The following SLC35F1 variants were observed in gnomAD, a reference collection of about 807,000 sequenced individuals.
SLC35F1 encodes chromosome 6 open reading frame 169.
In SLC35F1, 14 loss-of-function variants were observed where a neutral mutation model predicts 48.7. The observed-to-expected ratio is 0.29, with a 90% CI of 0.19 to 0.45. The LOEUF is 0.45. Ranked by LOEUF, SLC35F1 falls within the 20% of genes least tolerant of loss-of-function variation. The probability of loss-of-function intolerance (pLI) is 1.00; values close to 1 mark genes in which losing one functional copy is unlikely to be tolerated. For synonymous variants in SLC35F1, 190 were observed against 202.2 expected (o/e 0.94, Z 0.51); for missense variants, 404 against 500.0 (o/e 0.81, Z 1.83).
intron 4 of SLC35F1, 99 bp downstream of exon 4, chr6:118,267,253 A>G: frequency 3.0e-6 from 4 of 1,329,778 alleles, no homozygotes; most frequent in South Asian, 3.0e-5. Context: ...GACCTTAGGA[A>G]CCTGGATTTC....
intron 1 of SLC35F1, among the ~76,000 whole-genome samples, chr6:118,015,079 T>G (rs190458956): frequency 6.6e-6 from 1 of 152,344 alleles, no homozygotes; most frequent in East Asian, 1.9e-4. Flanking sequence ...AAACCCCTTT[T>G]GCTTGGCTCT....
intron 1 of SLC35F1, 86 bp downstream of exon 1, chr6:117,907,985 C>T: frequency 8.2e-7 from 1 of 1,213,290 alleles, no homozygotes; most frequent in Non-Finnish European, 1.0e-6. Flanking sequence ...GGGCGGCCCA[C>T]GGGTCCTTTG....
At chr6:118,133,387 GA>G (rs900043152) in intron 1 of SLC35F1, among the ~76,000 whole-genome samples, 2 of 151,816 alleles carry the variant, frequency 1.3e-5, no homozygotes, top group African/African-American at 2.4e-5. Context: ...TTAGGTTCTG[GA>G]AAAAAAAGTC....
intron 3 of SLC35F1, among the ~76,000 whole-genome samples, chr6:118,257,521 G>T (rs920461754): frequency 3.9e-5 from 6 of 152,132 alleles, no homozygotes; most frequent in African/African-American, 1.4e-4. Context: ...GATCTCCATT[G>T]GTTCTTGGGG....
chr6:117,969,111 C>T (rs898583227), intron 1 of SLC35F1, among the ~76,000 whole-genome samples: 1 of 152,106 alleles, frequency 6.6e-6, no homozygotes, highest in Non-Finnish European at 1.5e-5. Context: ...GGATGTATTT[C>T]AGCTCACAGA....
chr6:118,000,475 A>G (rs938920446), intron 1 of SLC35F1, among the ~76,000 whole-genome samples: 1 of 152,190 alleles, frequency 6.6e-6, no homozygotes, highest in Non-Finnish European at 1.5e-5. Context: ...ATCTATGACA[A>G]ACCCACGGCC....
At chr6:118,034,933 G>T (rs1414729298) in intron 1 of SLC35F1, among the ~76,000 whole-genome samples, 1 of 152,032 alleles carries the variant, frequency 6.6e-6, no homozygotes, top group African/African-American at 2.4e-5. Context: ...TCTTACTCTT[G>T]TTTTCTGTAA....
chr6:118,039,799 G>GTTGT (rs1772185260), intron 1 of SLC35F1, among the ~76,000 whole-genome samples: 1 of 106,856 alleles, frequency 9.4e-6, no homozygotes, highest in Non-Finnish European at 2.0e-5. Flanking sequence ...TCTCAGGATT[G>GTTGT]TTTTTTTTGT....
chr6:117,932,378 A>G (rs1342483389), intron 1 of SLC35F1, among the ~76,000 whole-genome samples: 1 of 152,214 alleles, frequency 6.6e-6, no homozygotes, highest in East Asian at 1.9e-4. Context: ...AAGGCACATG[A>G]AGTTTAAGGT....
chr6:118,051,198 T>C (rs1772385243), intron 1 of SLC35F1, among the ~76,000 whole-genome samples: 1 of 152,200 alleles, frequency 6.6e-6, no homozygotes, highest in Non-Finnish European at 1.5e-5. Context: ...TTACCATTTA[T>C]CAAGCATTGC....
intron 1 of SLC35F1, among the ~76,000 whole-genome samples, chr6:118,068,367 G>A (rs1057279488): frequency 2.0e-5 from 3 of 152,206 alleles, no homozygotes; most frequent in African/African-American, 7.2e-5. Context: ...GTGAAAGTTA[G>A]ACATGTGTAA....
At position 117,947,124 on chromosome 6, in the gene SLC35F1, G is replaced by A. The variant is rs111325360; in HGVS notation, c.173+39225G>A. Among the ~76,000 whole-genome samples the A allele has an allele frequency of 6.3e-3, 958 of 152,270 alleles. 9 individuals are homozygous for A. The highest frequency in any genetic ancestry group is 0.022 in the African/African-American group (907 of 41,564). The stretch of plus-strand genomic sequence containing the variant: ...GTATGGAAAGGGTAATGAAATTTTA[G>A]ATGAGATGGTCAGGGAAGTCCTTGT... On this transcript the variant is annotated intron_variant, in intron 1 of 7. Transcript: ENST00000360388.
intron 1 of SLC35F1, among the ~76,000 whole-genome samples, chr6:118,009,037 G>A (rs1269285613): frequency 1.3e-5 from 2 of 152,086 alleles, no homozygotes; most frequent in African/African-American, 2.4e-5. Context: ...GTGTACTGTC[G>A]TGAAGTGTCA....
At chr6:118,082,933 G>T (rs560966058) in intron 1 of SLC35F1, among the ~76,000 whole-genome samples, 235 of 152,216 alleles carry the variant, frequency 1.5e-3, no homozygotes, top group African/African-American at 5.2e-3. Flanking sequence ...CAGCCTGGAT[G>T]ACACTCACCC....
intron 1 of SLC35F1, among the ~76,000 whole-genome samples, chr6:118,029,333 G>A (rs1198093009): frequency 6.6e-6 from 1 of 152,060 alleles, no homozygotes; most frequent in Non-Finnish European, 1.5e-5. Flanking sequence ...TACCATGGTT[G>A]TAAAATAGGT....
chr6:118,202,678 G>C (rs2114537450), intron 2 of SLC35F1, among the ~76,000 whole-genome samples: 1 of 152,236 alleles, frequency 6.6e-6, no homozygotes, highest in African/African-American at 2.4e-5. Flanking sequence ...TGCTTCCATG[G>C]CAATTCCAAT....
chr6:118,314,349 GT>G lies in SLC35F1; in HGVS notation c.*100del. 9.4e-7 allele frequency: 1 copy of G among 1,062,066 alleles called. No individual in the cohort carries two copies. Among genetic ancestry groups the G allele is most frequent in the African/African-American group, 1.6e-5 (1 of 63,436 alleles). 65.8% of individuals were successfully genotyped at this position (1,062,066 alleles called of 1,614,324 possible). On this transcript the variant is annotated 3_prime_UTR_variant, in exon 8 of 8. Transcript: ENST00000360388. ...TAGAGAAAGGTATTTACTAGGTGCA[GT>G]TTACACAGGTGGACTGCAAGGTAGC...
chr6:118,032,362 A>T lies in SLC35F1; in HGVS notation c.174-122083A>T, dbSNP rs548007636. On this transcript the variant is annotated intron_variant, in intron 1 of 7. Coordinates refer to ENST00000360388, the MANE Select transcript of SLC35F1 (RefSeq NM_001029858.4). ...TTTGTCAATTTTTATTAATTTAGTT[A>T]GTGTATTCATTTAGAAAACTTCGAT... 1.4e-4 allele frequency among the ~76,000 whole-genome samples: 22 copies of T among 152,276 alleles called. No individual in the cohort carries two copies. The South Asian group carries it at 4.4e-3, about 30-fold the overall frequency.
chr6:117,998,991 A>G, intron 1 of SLC35F1: 2 of 1,224,438 alleles, frequency 1.6e-6, no homozygotes, highest in South Asian at 2.4e-5. Context: ...AAGTCCAAGA[A>G]CCACACCACA....
Sources: allele counts gnomAD v4.1 joint callset (sites outside exome capture counted in the v4.1 genomes callset), GRCh38; gene constraint gnomAD v4.1.1; transcripts MANE v1.5; gene names NCBI Gene and HGNC (gene_info 2026-07-23, HGNC 2026-07-21).